BMPR1A: variants seen among roughly 807,000 people sequenced by gnomAD.
BMPR1A encodes the protein bone morphogenetic protein receptor type 1A.
A neutral mutation model predicts 66.0 loss-of-function variants in BMPR1A; 7 were observed. The observed-to-expected ratio is 0.11, with a 90% CI of 0.06 to 0.20. The LOEUF is 0.20. BMPR1A is among the 10% of genes least tolerant of loss of function. BMPR1A has a pLI of 1.00. For synonymous variants in BMPR1A, 200 were observed against 229.7 expected (o/e 0.87, Z 1.17); for missense variants, 408 against 669.1 (o/e 0.61, Z 4.31).
At chr10:86,774,499 T>A (rs923424037) in intron 1 of BMPR1A, among the ~76,000 whole-genome samples, 7 of 152,152 alleles carry the variant, frequency 4.6e-5, no homozygotes, top group African/African-American at 1.7e-4. Context: ...AGATTTTTTT[T>A]ATAAGACTTT....
chr10:86,777,096 C>T (rs1841361428), intron 1 of BMPR1A, among the ~76,000 whole-genome samples: 1 of 152,122 alleles, frequency 6.6e-6, no homozygotes, highest in African/African-American at 2.4e-5. Flanking sequence ...TATGTCCTTA[C>T]CCTTCTCTTT....
At chr10:86,866,774 T>C (rs1342215285) in intron 2 of BMPR1A, among the ~76,000 whole-genome samples, 1 of 152,052 alleles carries the variant, frequency 6.6e-6, no homozygotes, top group Non-Finnish European at 1.5e-5. Flanking sequence ...CTGTTTAACA[T>C]ATGTGCTCAT....
At chr10:86,824,313 G>T (rs1015395617) in intron 1 of BMPR1A, among the ~76,000 whole-genome samples, 1 of 152,102 alleles carries the variant, frequency 6.6e-6, no homozygotes, top group Non-Finnish European at 1.5e-5. Flanking sequence ...AGAACCTGTT[G>T]TTGCTTCCTT....
In BMPR1A at chr10:86,923,716, C is replaced by G. The variant is rs201345248; in HGVS notation, c.1596C>G (p.Ile532Met). ...TGGTTGAATCCCAAGATGTAAAAAT[C>G]TGATGGTTAAACCATCGGAGGAGAA... ...AKMVESQDVK[I>M] Residue 532 changes from isoleucine to methionine, a missense_variant, in exon 13 of 13, where the codon ATC (isoleucine) becomes ATG (methionine). Coordinates refer to ENST00000372037, the MANE Select transcript of BMPR1A (RefSeq NM_004329.3). The G allele has an allele frequency of 6.6e-5, 106 of 1,613,488 alleles. No homozygotes were observed. Among genetic ancestry groups the G allele is most frequent in the Middle Eastern group, 3.7e-4 (2 of 5,474 alleles).
chr10:86,923,398 G>A lies in BMPR1A; in HGVS notation c.1365G>A (p.Leu455=), dbSNP rs753694209. ...ITGGIVEEYQ[L]PYYNMVPSDP... Reference sequence around the variant, plus strand: ...TAGGGATCGTGGAAGAATACCAATTGCCATATTACAACATGGTACCGAGTG... The same window carrying A: ...TAGGGATCGTGGAAGAATACCAATTACCATATTACAACATGGTACCGAGTG... The change falls in exon 12 of 13, where the codon TTG becomes TTA. Residue 455 remains leucine (L), a synonymous_variant. Coordinates refer to ENST00000372037, the MANE Select transcript of BMPR1A (RefSeq NM_004329.3). The A allele has an allele frequency of 6.2e-7, 1 of 1,614,130 alleles. No homozygotes were observed. The highest frequency in any genetic ancestry group is 8.5e-7 in the Non-Finnish European group (1 of 1,180,016).
At chr10:86,767,763 A>T (rs1304031553) in intron 1 of BMPR1A, among the ~76,000 whole-genome samples, 1 of 135,480 alleles carries the variant, frequency 7.4e-6, no homozygotes, top group Non-Finnish European at 1.5e-5. Flanking sequence ...CTAAAACTAG[A>T]TCCTCCCCCA....
chr10:86,823,184 T>C (rs577190313), intron 1 of BMPR1A, among the ~76,000 whole-genome samples: 6 of 152,256 alleles, frequency 3.9e-5, no homozygotes, highest in Non-Finnish European at 8.8e-5. Flanking sequence ...ATTCACAGTG[T>C]TTTCTGTATC....
chr10:86,878,620 C>T (rs1842948975), intron 3 of BMPR1A, among the ~76,000 whole-genome samples: 1 of 152,136 alleles, frequency 6.6e-6, no homozygotes, highest in Non-Finnish European at 1.5e-5. Flanking sequence ...TGACATTTCC[C>T]TTGTGGTTCC....
rs1011998732 is a variant in BMPR1A, at chr10:86,793,521, G to A, written c.-268+36602G>A. On this transcript the variant is annotated intron_variant, in intron 1 of 12. Transcript: ENST00000372037. ...TGGGATTACAGGTGCATGCCACCAC[G>A]CCTAGCTAATTTTTGTATTTTTAGT... Among the ~76,000 whole-genome samples the A allele has an allele frequency of 5.3e-5, 8 of 151,804 alleles. No individual in the cohort carries two copies. In the South Asian group the frequency reaches 1.5e-3, roughly 28 times the overall value.
At chr10:86,778,653 T>C (rs977970127) in intron 1 of BMPR1A, among the ~76,000 whole-genome samples, 3 of 152,220 alleles carry the variant, frequency 2.0e-5, no homozygotes, top group Admixed American at 1.3e-4. Context: ...TTGTTCACTA[T>C]AGCCTTCCTA....
Position 86,775,495 on chromosome 10 carries a change from C to T in BMPR1A, c.-268+18576C>T, listed in dbSNP as rs1464653600. Among the ~76,000 whole-genome samples the T allele has an allele frequency of 3.3e-5, 5 of 152,176 alleles. No individual in the cohort carries two copies. The East Asian group carries it at 7.7e-4, about 23-fold the overall frequency. ...CCCCAGAGAGCAAAATTCATTCCCC[C>T]TGATGCCCATCTCACCCTGCTATAG... On this transcript the variant is annotated intron_variant, in intron 1 of 12. Transcript: ENST00000372037.
intron 1 of BMPR1A, among the ~76,000 whole-genome samples, chr10:86,798,081 C>CA (rs1471668168): frequency 6.6e-6 from 1 of 152,058 alleles, no homozygotes; most frequent in Non-Finnish European, 1.5e-5. Flanking sequence ...ACATTTTTGA[C>CA]ACATCCTCTT....
intron 7 of BMPR1A, among the ~76,000 whole-genome samples, chr10:86,904,795 C>A (rs1225302724): frequency 5.9e-5 from 9 of 152,338 alleles, no homozygotes; most frequent in Non-Finnish European, 7.3e-5. Flanking sequence ...ACAGAACATA[C>A]AATCAGACAT....
At chr10:86,844,639 CTG>C (rs1367952566) in intron 2 of BMPR1A, among the ~76,000 whole-genome samples, 3 of 152,196 alleles carry the variant, frequency 2.0e-5, no homozygotes, top group African/African-American at 4.8e-5. Flanking sequence ...CTAATACTCT[CTG>C]TTGAAAATAA....
intron 5 of BMPR1A, among the ~76,000 whole-genome samples, chr10:86,895,956 C>G (rs1479567115): frequency 6.6e-6 from 1 of 152,056 alleles, no homozygotes; most frequent in Non-Finnish European, 1.5e-5. Context: ...GAGTTTCAGA[C>G]TAGCCTGGCC....
intron 3 of BMPR1A, among the ~76,000 whole-genome samples, chr10:86,886,149 G>C (rs1041249006): frequency 6.6e-5 from 10 of 152,156 alleles, no homozygotes; most frequent in Admixed American, 2.6e-4. Flanking sequence ...GGACTTGTGG[G>C]TGGCGAGAGA....
At chr10:86,899,344 C>T (rs950229597) in intron 5 of BMPR1A, among the ~76,000 whole-genome samples, 1 of 152,212 alleles carries the variant, frequency 6.6e-6, no homozygotes, top group Non-Finnish European at 1.5e-5. Flanking sequence ...CTCAACTTGC[C>T]TCTGCATCAG....
chr10:86,853,820 G>C (rs572852297), intron 2 of BMPR1A, among the ~76,000 whole-genome samples: 1 of 152,112 alleles, frequency 6.6e-6, no homozygotes, highest in Non-Finnish European at 1.5e-5. Flanking sequence ...ATATCACAAG[G>C]CAAATGGAGG....
At chr10:86,808,258 CT>C (rs757239275) in intron 1 of BMPR1A, among the ~76,000 whole-genome samples, 32 of 151,828 alleles carry the variant, frequency 2.1e-4, no homozygotes, top group African/African-American at 5.3e-4. Flanking sequence ...CTGTAGTGAT[CT>C]TTTTTTTCAT....
Sources: gnomAD v4.1 joint callset for allele counts (sites outside exome capture counted in the v4.1 genomes callset) on GRCh38, gnomAD v4.1.1 for gene constraint, MANE v1.5 for transcripts, NCBI Gene and HGNC (gene_info 2026-07-23, HGNC 2026-07-21) for gene names.